TAF4B: variants seen among roughly 807,000 people sequenced by gnomAD.
TAF4B encodes the protein TATA-box binding protein associated factor 4b, also known as transcription initiation factor TFIID subunit 4B.
Under a neutral mutation model 86.4 loss-of-function variants are expected in TAF4B, and 38 were observed. The ratio of observed to expected loss-of-function variants is 0.44; its 90% CI spans 0.34 to 0.58. The LOEUF (loss-of-function observed/expected upper bound fraction) is 0.58, where lower values mean the gene tolerates loss of function less well. Among genes scored for constraint, TAF4B ranks in the 20% least tolerant of loss-of-function variants. The pLI is 0.02. For missense variants in TAF4B, 988 were observed against 1,027.6 expected, an observed-to-expected ratio of 0.96 and a Z score of 0.53; for synonymous variants, 388 against 391.2, an observed-to-expected ratio of 0.99 and a Z score of 0.10.
At chr18:26,258,951 A>C (rs535204074) in intron 1 of TAF4B, among the ~76,000 whole-genome samples, 3 of 151,446 alleles carry the variant, frequency 2.0e-5, no homozygotes, top group Non-Finnish European at 4.4e-5. Context: ...CTCCTGCTTC[A>C]GCCTTCCAAA....
At chr18:26,315,448 G>A in intron 10 of TAF4B, 50 bp downstream of exon 10, 1 of 1,419,534 alleles carries the variant, frequency 7.0e-7, no homozygotes, top group African/African-American at 1.4e-5. Flanking sequence ...CTGTTTGAGG[G>A]AAAATATTAT....
Position 26,259,077 on chromosome 18 carries a change from CTT to C in TAF4B, c.344-6091_344-6090del, listed in dbSNP as rs1303697176. ...ACCATGTGTCTTGGCGTGGGGATCT[CTT>C]TGCGTTTAGCTTACTTGGGGTTTCT... is the stretch of plus-strand genomic sequence containing the variant. On this transcript the variant is annotated intron_variant, in intron 1 of 14. Transcript: ENST00000269142. 3.3e-5 allele frequency among the ~76,000 whole-genome samples: 5 copies of C among 151,884 alleles called. No individual in the cohort carries two copies. In the South Asian group the frequency reaches 1.0e-3, roughly 32 times the overall value.
Position 26,226,862 on chromosome 18 carries a change from C to T in TAF4B, c.-72C>T, listed in dbSNP as rs929626521. 6 of 1,232,354 alleles carry T rather than the reference C, an allele frequency of 4.9e-6. No homozygotes were observed. The highest frequency in any genetic ancestry group is 4.2e-5 in the Admixed American group (1 of 23,842). The allele number at this position is 1,232,354 out of a possible 1,614,324, so 76.3% of individuals were successfully genotyped here. A position where few individuals can be genotyped will look rare whatever the true frequency, so the allele number is the denominator to read the frequency against. On this transcript the variant is annotated 5_prime_UTR_variant, in exon 1 of 15. Transcript: ENST00000269142. Reference sequence around the variant, plus strand: ...ACCCGAACCGCACCGGAGTCGGCTGCCGCGCGCCAAGCCTCCCCTCACCTC... The same window carrying T: ...ACCCGAACCGCACCGGAGTCGGCTGTCGCGCGCCAAGCCTCCCCTCACCTC...
At position 26,336,545 on chromosome 18, in the gene TAF4B, T is replaced by TA. The variant is rs935779358; in HGVS notation, c.2316+1323dup. Among the ~76,000 whole-genome samples the TA allele has an allele frequency of 7.9e-5, 12 of 151,322 alleles. No homozygotes were observed. In the South Asian group the frequency reaches 2.1e-3, roughly 26 times the overall value. On this transcript the variant is annotated intron_variant, in intron 13 of 14. Transcript: ENST00000269142. ...GGAACGATGGAAAGGGAGAACACTT[T>TA]AAAAAAAAAGTTGAGAGCAGAAACA... is the stretch of plus-strand genomic sequence containing the variant.
chr18:26,311,498 C>T (rs955828168), intron 9 of TAF4B, among the ~76,000 whole-genome samples: 4 of 151,836 alleles, frequency 2.6e-5, no homozygotes, highest in East Asian at 1.9e-4. Context: ...ATTAGCCAGG[C>T]GTGGTGGTGC....
chr18:26,254,438 A>G (rs538514977), intron 1 of TAF4B, among the ~76,000 whole-genome samples: 232 of 152,326 alleles, frequency 1.5e-3, no homozygotes, highest in Non-Finnish European at 2.6e-3. Context: ...CCCATTCTAC[A>G]CAGATAAAAA....
intron 5 of TAF4B, among the ~76,000 whole-genome samples, chr18:26,280,491 A>G (rs1243618014): frequency 6.6e-6 from 1 of 152,202 alleles, no homozygotes; most frequent in African/African-American, 2.4e-5. Flanking sequence ...AAAAATAGGT[A>G]AACAACATGA....
At chr18:26,320,238 C>T (rs1056328395) in intron 10 of TAF4B, among the ~76,000 whole-genome samples, 1 of 152,072 alleles carries the variant, frequency 6.6e-6, no homozygotes, top group Non-Finnish European at 1.5e-5. Flanking sequence ...TTTAAAAAGC[C>T]TATTTAAAAC....
At chr18:26,343,344 C>G (rs369205377) in intron 13 of TAF4B, among the ~76,000 whole-genome samples, 2 of 152,296 alleles carry the variant, frequency 1.3e-5, no homozygotes, top group East Asian at 1.9e-4. Context: ...TAGACCTACT[C>G]CTGAACTATA....
At chr18:26,236,766 T>A (rs757460774) in intron 1 of TAF4B, among the ~76,000 whole-genome samples, 1 of 152,204 alleles carries the variant, frequency 6.6e-6, no homozygotes, top group Non-Finnish European at 1.5e-5. Flanking sequence ...GTCCTGTTCC[T>A]CTCGGTCCCT....
chr18:26,348,253 CAAT>C (rs2057216620), intron 13 of TAF4B: 1 of 152,132 alleles, frequency 6.6e-6, no homozygotes, highest in Non-Finnish European at 1.5e-5. Flanking sequence ...AAGTAGAAAT[CAAT>C]AATAAGAGGA....
rs573069521 is a variant in TAF4B, at chr18:26,337,525, C to T, written c.2316+2294C>T. 5.3e-5 allele frequency among the ~76,000 whole-genome samples: 8 copies of T among 149,910 alleles called. No individual in the cohort carries two copies. In the South Asian group the frequency reaches 8.4e-4, roughly 16 times the overall value. ...GCAGCCTCCACCTCCCAGGTTCAAG[C>T]GATTCTCCAGCCTCAGCCTCCCGAG... is the stretch of plus-strand genomic sequence containing the variant. On this transcript the variant is annotated intron_variant, in intron 13 of 14. Transcript: ENST00000269142.
intron 7 of TAF4B, among the ~76,000 whole-genome samples, chr18:26,290,221 C>T (rs2056575285): frequency 1.3e-5 from 2 of 152,070 alleles, no homozygotes; most frequent in African/African-American, 4.8e-5. Flanking sequence ...TTCACTGCAG[C>T]CTCGATCTCC....
chr18:26,277,476 A>T (rs982445168), intron 5 of TAF4B, among the ~76,000 whole-genome samples: 3 of 152,246 alleles, frequency 2.0e-5, no homozygotes, highest in East Asian at 3.8e-4. Flanking sequence ...ACAGAATTGA[A>T]TGAGAAGAGT....
intron 12 of TAF4B, among the ~76,000 whole-genome samples, chr18:26,334,169 CA>C (rs1295253897): frequency 6.6e-6 from 1 of 151,876 alleles, no homozygotes; most frequent in East Asian, 1.9e-4. Flanking sequence ...AAAATTTTAC[CA>C]GCTTTGGGTT....
At chr18:26,358,374 C>T (rs2057304767) in intron 14 of TAF4B, among the ~76,000 whole-genome samples, 1 of 152,148 alleles carries the variant, frequency 6.6e-6, no homozygotes. Context: ...GTTTGGTTAA[C>T]ACCAAGAAAG....
At chr18:26,389,802 A>G in intron 14 of TAF4B, 43 bp from the exon 15 acceptor site, 1 of 1,588,276 alleles carries the variant, frequency 6.3e-7, no homozygotes. Flanking sequence ...TCCCTTTATG[A>G]AAGATTTTTA....
chr18:26,314,410 T>C (rs771714268), intron 9 of TAF4B, among the ~76,000 whole-genome samples: 3 of 151,774 alleles, frequency 2.0e-5, no homozygotes, highest in Non-Finnish European at 4.4e-5. Flanking sequence ...TAAAAACAAC[T>C]GTTTAATTTT....
In TAF4B at chr18:26,391,237, C is replaced by T. The variant is rs903614905; in HGVS notation, c.*1225C>T. 3 of 150,394 alleles carry T rather than the reference C, an allele frequency of 2.0e-5. No individual in the cohort carries two copies. The highest frequency in any genetic ancestry group is 4.9e-5 in the African/African-American group (2 of 40,986). 9.3% of individuals were successfully genotyped at this position (150,394 alleles called of 1,614,324 possible). A position where few individuals can be genotyped will look rare whatever the true frequency, so the allele number is the denominator to read the frequency against. ...TAAAAAAAAAAAAAAGAAAATTCCA[C>T]GTGTGTGGAATACAGCCGGTGAAAA... On this transcript the variant is annotated 3_prime_UTR_variant, in exon 15 of 15. Coordinates refer to ENST00000269142, the MANE Select transcript of TAF4B (RefSeq NM_005640.3).
Sources: allele counts gnomAD v4.1 joint callset (sites outside exome capture counted in the v4.1 genomes callset), GRCh38; gene constraint gnomAD v4.1.1; transcripts MANE v1.5; gene names NCBI Gene and HGNC (gene_info 2026-07-23, HGNC 2026-07-21).